The following VPS13D variants were observed in gnomAD, a reference collection of about 807,000 sequenced individuals.
VPS13D encodes intermembrane lipid transfer protein VPS13D.
A neutral mutation model predicts 461.9 loss-of-function variants in VPS13D; 187 were observed. The observed-to-expected ratio is 0.40, with a 90% CI of 0.36 to 0.46. The LOEUF is 0.46. Among genes scored for constraint, VPS13D ranks in the 20% least tolerant of loss-of-function variants. The pLI is 0.60. For missense variants in VPS13D, 4,711 were observed against 5,364.9 expected, an observed-to-expected ratio of 0.88 and a Z score of 3.81; for synonymous variants, 1,951 against 1,986.3, an observed-to-expected ratio of 0.98 and a Z score of 0.47.
intron 50 of VPS13D, among the ~76,000 whole-genome samples, chr1:12,359,613 A>G (rs1160216743): frequency 6.6e-6 from 1 of 152,238 alleles, no homozygotes; most frequent in Non-Finnish European, 1.5e-5. Context: ...CTGATGTGAT[A>G]TCATTTACAT....
At chr1:12,235,958 G>A (rs535314631) in intron 2 of VPS13D, among the ~76,000 whole-genome samples, 1 of 152,360 alleles carries the variant, frequency 6.6e-6, no homozygotes, top group African/African-American at 2.4e-5. Flanking sequence ...TGTGGCAAGA[G>A]CATTTGCCAA....
In VPS13D at chr1:12,377,089, C is replaced by T. The variant is rs796572080; in HGVS notation, c.10918-1339C>T. On this transcript the variant is annotated intron_variant, in intron 55 of 69. Coordinates refer to ENST00000620676, the MANE Select transcript of VPS13D (RefSeq NM_015378.4). The stretch of plus-strand genomic sequence containing the variant: ...TTTTTTTTTTTTTGAGACGGAGTTT[C>T]GCTCTTGTTCCCCAGGCTAGAGTGC... Among the ~76,000 whole-genome samples, 271 of 147,018 alleles carry T rather than the reference C, an allele frequency of 1.8e-3. 1 individual carries two copies. The highest frequency in any genetic ancestry group is 6.4e-3 in the African/African-American group (254 of 39,736).
chr1:12,252,514 G>A (rs2101243177), intron 6 of VPS13D, among the ~76,000 whole-genome samples: 1 of 152,314 alleles, frequency 6.6e-6, no homozygotes, highest in South Asian at 2.1e-4. Flanking sequence ...GCTCACGCCT[G>A]TAATCCCAGC....
rs112101267 is a variant in VPS13D at position 12,250,918 on chromosome 1, G to A, written c.564+1579G>A. 3.8e-3 allele frequency among the ~76,000 whole-genome samples: 565 copies of A among 150,000 alleles called. 2 individuals carry two copies. Among genetic ancestry groups the A allele is most frequent in the African/African-American group, 0.013 (531 of 40,706 alleles). On this transcript the variant is annotated intron_variant, in intron 6 of 69. Transcript: ENST00000620676. Reference sequence around the variant, plus strand: ...CAGCAGAGACTGCATGGCCTGCAGAGCCTAAGCTGTTGACTCTGCCATGCT... The same window carrying A: ...CAGCAGAGACTGCATGGCCTGCAGAACCTAAGCTGTTGACTCTGCCATGCT...
chr1:12,283,458 C>T lies in VPS13D; in HGVS notation c.5356C>T (p.His1786Tyr). Residue 1786 changes from histidine (H) to tyrosine (Y), a missense_variant, in exon 21 of 70, where the codon CAC becomes TAC. His to Tyr is a moderately conservative substitution (Grantham distance 83). Coordinates refer to ENST00000620676, the MANE Select transcript of VPS13D (RefSeq NM_015378.4). ...GAGTAAATTTGATGATTCCTTAGTC[C>T]ACATCAACATATTCTTGGTAGATAA... is the stretch of plus-strand genomic sequence containing the variant. ...GKSKFDDSLV[H>Y]INIFLVDKKH... The T allele has an allele frequency of 1.2e-6, 2 of 1,614,194 alleles. No individual in the cohort carries two copies. The highest frequency in any genetic ancestry group is 1.1e-5 in the South Asian group (1 of 91,090).
intron 32 of VPS13D, among the ~76,000 whole-genome samples, chr1:12,321,205 A>G (rs1643025657): frequency 6.6e-6 from 1 of 152,252 alleles, no homozygotes; most frequent in African/African-American, 2.4e-5. Flanking sequence ...ACAGAATAAT[A>G]TAATGAACTC....
intron 68 of VPS13D, chr1:12,499,368 C>A: frequency 1.2e-6 from 1 of 803,728 alleles, no homozygotes; most frequent in Non-Finnish European, 1.5e-6. Flanking sequence ...GTTTTTTAGT[C>A]ACAGGCTAAA....
intron 60 of VPS13D, among the ~76,000 whole-genome samples, chr1:12,399,259 C>G (rs1644540931): frequency 6.7e-6 from 1 of 150,240 alleles, no homozygotes; most frequent in Non-Finnish European, 1.5e-5. Flanking sequence ...TGCAGTGGCG[C>G]TATCTCGGCT....
chr1:12,504,369 A>G (rs980274571), intron 68 of VPS13D, among the ~76,000 whole-genome samples: 1 of 152,012 alleles, frequency 6.6e-6, no homozygotes, highest in African/African-American at 2.4e-5. Flanking sequence ...ATTTGAAAGG[A>G]CTTTAGAACA....
At chr1:12,294,598 A>C (rs1642222569) in intron 24 of VPS13D, among the ~76,000 whole-genome samples, 1 of 151,400 alleles carries the variant, frequency 6.6e-6, no homozygotes. Context: ...GCAGATCACG[A>C]GGTCCAGAGA....
chr1:12,268,767 C>CTT lies in VPS13D; in HGVS notation c.1865_1866dup (p.Glu623LeufsTer12). 1 of 1,614,120 alleles carries CTT rather than the reference C, an allele frequency of 6.2e-7. No individual in the cohort carries two copies. The highest frequency in any genetic ancestry group is 8.5e-7 in the Non-Finnish European group (1 of 1,180,016). ...ATGAGAGAAATCCGGCGCACAGCCA[C>CTT]TTTGAGAGGCGGCTCAATGTCAGCA... On this transcript the variant is annotated frameshift_variant, in exon 16 of 70. Coordinates refer to ENST00000620676, the MANE Select transcript of VPS13D (RefSeq NM_015378.4). LOFTEE classifies it high-confidence loss of function.
chr1:12,311,603 A>G lies in VPS13D; in HGVS notation c.6800A>G (p.Asp2267Gly). The change falls in exon 28 of 70, where the codon GAT (aspartate) becomes GGT (glycine). Residue 2267 changes from aspartate (D) to glycine (G), a missense_variant. Physicochemically the swap from Asp to Gly is moderately conservative, Grantham distance 94. Coordinates refer to ENST00000620676, the MANE Select transcript of VPS13D (RefSeq NM_015378.4). ...ATAGAGGAATTTATGCGGCCTTATG[A>G]TTTACAAGATCCAAGAATTCATGTG... ...EPIEEFMRPY[D>G]LQDPRIHTVL... The G allele has an allele frequency of 1.9e-6, 3 of 1,614,160 alleles. No homozygotes were observed. The highest frequency in any genetic ancestry group is 2.5e-6 in the Non-Finnish European group (3 of 1,180,012).
chr1:12,384,687 A>G (rs1644327823), intron 58 of VPS13D, among the ~76,000 whole-genome samples: 2 of 152,132 alleles, frequency 1.3e-5, no homozygotes, highest in African/African-American at 2.4e-5. Flanking sequence ...TGGCAAAATC[A>G]TAGCTCATTA....
At chr1:12,236,309 G>C (rs572180906) in intron 2 of VPS13D, among the ~76,000 whole-genome samples, 1 of 152,250 alleles carries the variant, frequency 6.6e-6, no homozygotes, top group South Asian at 2.1e-4. Context: ...AAAGAAGTTG[G>C]TGCTGCTTGT....
intron 67 of VPS13D, chr1:12,478,527 G>T (rs924824968): frequency 6.7e-6 from 2 of 298,678 alleles, no homozygotes; most frequent in Non-Finnish European, 1.3e-5. Flanking sequence ...TTTATAAAGA[G>T]TCGAGGCTGT....
chr1:12,345,941 A>G (rs1643666286), intron 43 of VPS13D, among the ~76,000 whole-genome samples: 1 of 151,406 alleles, frequency 6.6e-6, no homozygotes. Flanking sequence ...ACTGTCGTTT[A>G]TTTTCTGATC....
At chr1:12,230,265 C>A (rs1003406005) in intron 1 of VPS13D, 145 bp downstream of exon 1, 1 of 152,244 alleles carries the variant, frequency 6.6e-6, no homozygotes, top group Non-Finnish European at 1.5e-5. Flanking sequence ...AGCCTGGGGG[C>A]CCCGTCGTCC....
rs1642367313 is a variant in VPS13D at position 12,299,706 on chromosome 1, A to G, written c.6216+322A>G. 6.6e-6 allele frequency among the ~76,000 whole-genome samples: 1 copy of G among 152,186 alleles called. No homozygotes were observed. The highest frequency in any genetic ancestry group is 2.4e-5 in the African/African-American group (1 of 41,444). Reference sequence around the variant, plus strand: ...GTAACTTGTTTTAGCAAACAAACCAATGGAATCAACCTTCCATCTTTTTAT... The same window carrying G: ...GTAACTTGTTTTAGCAAACAAACCAGTGGAATCAACCTTCCATCTTTTTAT... On this transcript the variant is annotated intron_variant, in intron 25 of 69. Transcript: ENST00000620676. This position sits in a 1 kb window ranked among gnomAD's most constrained non-coding sequence, Gnocchi z 4.2.
At chr1:12,385,434 GT>G in intron 59 of VPS13D, 61 bp downstream of exon 59, 1 of 1,317,910 alleles carries the variant, frequency 7.6e-7, no homozygotes, top group South Asian at 1.3e-5. Flanking sequence ...ATTTTACTTG[GT>G]GGTATTTTAG....
Sources: allele counts gnomAD v4.1 joint callset (sites outside exome capture counted in the v4.1 genomes callset), GRCh38; gene constraint gnomAD v4.1.1; non-coding constraint Gnocchi (gnomAD v3.1); transcripts MANE v1.5; gene names NCBI Gene and HGNC (gene_info 2026-07-23, HGNC 2026-07-21).